Variants in COMP observed in about 807,000 individuals in gnomAD.
The protein encoded by COMP is cartilage oligomeric matrix protein (pseudoachondroplasia, epiphyseal dysplasia 1, multiple).
A neutral mutation model predicts 95.8 loss-of-function variants in COMP; 79 were observed. The ratio of observed to expected loss-of-function variants is 0.82; its 90% CI spans 0.69 to 0.99. The LOEUF (loss-of-function observed/expected upper bound fraction) is 0.99, where lower values mean the gene tolerates loss of function less well. Ranked by LOEUF, COMP falls within the 50% of genes least tolerant of loss-of-function variation. The pLI is 0.00. For missense variants in COMP, 906 were observed against 1,076.1 expected (o/e 0.84, Z 2.21); for synonymous variants, 438 against 433.9 (o/e 1.01, Z -0.12).
chr19:18,785,008 A>G lies in COMP; in HGVS notation c.1802T>C (p.Phe601Ser). The change falls in exon 16 of 19, where the codon TTT becomes TCT. Residue 601 changes from phenylalanine (F) to serine (S), a missense_variant. Coordinates refer to ENST00000222271, the MANE Select transcript of COMP (RefSeq NM_000095.3). ...VTDDDYAGFIFGYQDSSSFYV... is the reference protein window; with the variant it reads ...VTDDDYAGFISGYQDSSSFYV... The stretch of plus-strand genomic sequence containing the variant: ...GAAGCTGGAGCTGTCCTGGTAGCCA[A>G]AGATGAAGCCCGCATAGTCGTCATC... 2 of 1,614,134 alleles carry G rather than the reference A, an allele frequency of 1.2e-6. No individual in the cohort carries two copies. Among genetic ancestry groups the G allele is most frequent in the Non-Finnish European group, 1.7e-6 (2 of 1,180,016 alleles).
At chr19:18,783,032 G>A (rs756146893) in intron 18 of COMP, 22 bp downstream of exon 18, 15 of 1,611,930 alleles carry the variant, frequency 9.3e-6, no homozygotes, top group South Asian at 4.4e-5. Flanking sequence ...CCCCGCCCAC[G>A]GCCCGCTGGC....
Position 18,786,035 on chromosome 19 carries a change from G to T in COMP, c.1419C>A (p.Asp473Glu). The T allele has an allele frequency of 2.5e-6, 4 of 1,613,212 alleles. No homozygotes were observed. The highest frequency in any genetic ancestry group is 3.4e-6 in the Non-Finnish European group (4 of 1,179,814). Residue 473 changes from aspartate (D) to glutamate (E), a missense_variant, in exon 13 of 19, where the codon GAC (aspartate) becomes GAA (glutamate). Coordinates refer to ENST00000222271, the MANE Select transcript of COMP (RefSeq NM_000095.3). The stretch of plus-strand genomic sequence containing the variant: ...CCCGACTGTCAGGGACTCCGTCATT[G>T]TCGTCGTCGTCGTCGCAGGCATCAC... The part of the protein sequence containing the change: ...GQGDACDDDD[D>E]NDGVPDSRDN...
At position 18,787,638 on chromosome 19, in the gene COMP, G is replaced by C; in HGVS notation, c.988C>G (p.Leu330Val). Residue 330 changes from leucine to valine, a missense_variant, in exon 10 of 19, where the codon CTG becomes GTG. Physicochemically the swap from Leu to Val is conservative, Grantham distance 32. Transcript: ENST00000222271. ...TTGCGCTGGTCTGGGTTCCGCACCA[G>C]CGGGCAGTTGTCCTGGATGACAGGG... is the stretch of plus-strand genomic sequence containing the variant. ...GVPNEKDNCP[L>V]VRNPDQRNTD... 3 of 1,613,878 alleles carry C rather than the reference G, an allele frequency of 1.9e-6. No homozygotes were observed. The Admixed American group carries it at 5.0e-5, about 27-fold the overall frequency.
In COMP at chr19:18,790,949, G is replaced by A. The variant is rs1301358287; in HGVS notation, c.80-14C>T. On this transcript the variant is annotated splice_polypyrimidine_tract_variant and intron_variant, in intron 1 of 18. Transcript: ENST00000222271. ...CCAGGTCTGAGCCTGCGGCGGCAGG[G>A]GACCTGGTGAGGCGTCATGGGGCCG... The A allele has an allele frequency of 6.4e-7, 1 of 1,552,318 alleles. No individual in the cohort carries two copies. Among genetic ancestry groups the A allele is most frequent in the Non-Finnish European group, 8.7e-7 (1 of 1,149,234 alleles).
intron 17 of COMP, among the ~76,000 whole-genome samples, 163 bp from the exon 18 acceptor site, chr19:18,783,356 G>A (rs2055139702): frequency 6.6e-6 from 1 of 152,206 alleles, no homozygotes; most frequent in African/African-American, 2.4e-5. Flanking sequence ...TGGACATCAA[G>A]GGCCCTGGAC....
chr19:18,788,191 C>T lies in COMP; in HGVS notation c.975+21G>A. On this transcript the variant is annotated intron_variant, in intron 9 of 18. Coordinates refer to ENST00000222271, the MANE Select transcript of COMP (RefSeq NM_000095.3). This position sits in a 1 kb window ranked among gnomAD's most constrained non-coding sequence, Gnocchi z 4.7. ...TGCTGGGATTACAGGAGTGAACCAC[C>T]GTGCCGAGCCGTAGATCTACCTTTT... The T allele has an allele frequency of 1.2e-6, 2 of 1,600,628 alleles. No homozygotes were observed. Among genetic ancestry groups the T allele is most frequent in the Admixed American group, 1.7e-5 (1 of 59,922 alleles).
chr19:18,785,330 T>C (rs1280204496), intron 15 of COMP, among the ~76,000 whole-genome samples, 168 bp downstream of exon 15: 1 of 145,424 alleles, frequency 6.9e-6, no homozygotes. Context: ...CCCCGCGCCT[T>C]CTCCTCCCGG....
chr19:18,790,138 C>T (rs906179624), intron 3 of COMP, 24 bp from the exon 4 acceptor site: 4 of 1,509,178 alleles, frequency 2.7e-6, no homozygotes, highest in East Asian at 2.5e-5. Flanking sequence ...GGGGGAGAAG[C>T]GGCGGGGCTG....
intron 1 of COMP, 81 bp from the exon 2 acceptor site, chr19:18,791,016 A>C: frequency 6.5e-7 from 1 of 1,530,066 alleles, no homozygotes; most frequent in South Asian, 1.2e-5. Flanking sequence ...GCGAACCCGG[A>C]CCTCCGAGGC....
chr19:18,788,902 G>A lies in COMP; in HGVS notation c.540C>T (p.Asp180=). ...FAKANKQVCT[D]INECETGQHN... ...GTTGCCCGGTCTCACACTCGTTGATGTCCGTGCAAACCTAGGGGAGGGGAA... is the reference window on the plus strand; with the variant it reads ...GTTGCCCGGTCTCACACTCGTTGATATCCGTGCAAACCTAGGGGAGGGGAA... Residue 180 remains aspartate (D), a synonymous_variant, in exon 6 of 19, where the codon GAC becomes GAT. Transcript: ENST00000222271. The surrounding 1 kb of genome is among the most constrained non-coding windows in gnomAD (Gnocchi z 4.7). 1 of 1,613,724 alleles carries A rather than the reference G, an allele frequency of 6.2e-7. No individual in the cohort carries two copies.
At position 18,786,023 on chromosome 19, in the gene COMP, G is replaced by T. The variant is rs2055164441; in HGVS notation, c.1431C>A (p.Val477=). 1.2e-6 allele frequency: 2 copies of T among 1,613,658 alleles called. No homozygotes were observed. Residue 477 remains valine (V), a synonymous_variant, in exon 13 of 19, where the codon GTC becomes GTA. Coordinates refer to ENST00000222271, the MANE Select transcript of COMP (RefSeq NM_000095.3). ...GGCGGCAGTTGTCCCGACTGTCAGG[G>T]ACTCCGTCATTGTCGTCGTCGTCGT... The part of the protein sequence containing the change: ...ACDDDDDNDG[V]PDSRDNCRLV...
rs1401353439 is a variant in COMP at position 18,789,072 on chromosome 19, G to T, written c.528+88C>A. The T allele has an allele frequency of 1.9e-6, 3 of 1,554,876 alleles. No homozygotes were observed. Among genetic ancestry groups the T allele is most frequent in the Non-Finnish European group, 2.6e-6 (3 of 1,148,586 alleles). On this transcript the variant is annotated intron_variant, in intron 5 of 18. Transcript: ENST00000222271. This position sits in a 1 kb window ranked among gnomAD's most constrained non-coding sequence, Gnocchi z 6.1. ...CCTCCTCTCCCCACCCCTCCCGCTG[G>T]AAGGAGGCTGGAAGAGGAGTTTACT...
chr19:18,791,147 C>T, intron 1 of COMP, 44 bp downstream of exon 1: 2 of 1,553,232 alleles, frequency 1.3e-6, no homozygotes, highest in Non-Finnish European at 1.7e-6. Context: ...TCCTACAGTC[C>T]GTTGTGGGGC....
intron 3 of COMP, 107 bp downstream of exon 3, chr19:18,790,455 A>C (rs2055204676): frequency 7.1e-7 from 1 of 1,414,964 alleles, no homozygotes; most frequent in Non-Finnish European, 9.9e-7. Context: ...GTCAGCCTCC[A>C]TCTCCTTCCG....
intron 1 of COMP, 34 bp downstream of exon 1, chr19:18,791,157 C>T (rs749111767): frequency 6.4e-7 from 1 of 1,556,336 alleles, no homozygotes. Flanking sequence ...CGTTGTGGGG[C>T]CGTGGGCACG....
At chr19:18,785,238 GC>G (rs1035028008) in intron 15 of COMP, 146 bp from the exon 16 acceptor site, 20 of 932,500 alleles carry the variant, frequency 2.1e-5, no homozygotes, top group Admixed American at 1.0e-4. Flanking sequence ...ACTCAGCCAC[GC>G]CCCCCATCTA....
Position 18,788,276 on chromosome 19 carries a change from T to G in COMP, c.911A>C (p.Asp304Ala), listed in dbSNP as rs1451410633. ...TVPNSGQEDVDRDGIGDACDP... is the reference protein window; with the variant it reads ...TVPNSGQEDVARDGIGDACDP... ...GCAGGCGTCTCCGATGCCATCGCGG[T>G]CCACATCCTCCTGCCCTGAGTTGGG... Residue 304 changes from aspartate to alanine, a missense_variant, in exon 9 of 19, where the codon GAC (aspartate) becomes GCC (alanine). Coordinates refer to ENST00000222271, the MANE Select transcript of COMP (RefSeq NM_000095.3). The surrounding 1 kb of genome is among the most constrained non-coding windows in gnomAD (Gnocchi z 4.7). 6.2e-7 allele frequency: 1 copy of G among 1,613,010 alleles called. No individual in the cohort carries two copies. The highest frequency in any genetic ancestry group is 2.2e-5 in the East Asian group (1 of 44,884).
rs1052338767 is a variant in COMP at position 18,788,255 on chromosome 19, G to A, written c.932C>T (p.Ala311Val). The change falls in exon 9 of 19, where the codon GCC (alanine) becomes GTC (valine). Residue 311 changes from alanine (A) to valine (V), a missense_variant. Coordinates refer to ENST00000222271, the MANE Select transcript of COMP (RefSeq NM_000095.3). This position sits in a 1 kb window ranked among gnomAD's most constrained non-coding sequence, Gnocchi z 4.7. ...GTCCCCGTCGGCATCCGGATCGCAG[G>A]CGTCTCCGATGCCATCGCGGTCCAC... Reference protein sequence around the residue: ...EDVDRDGIGDACDPDADGDGV... With the variant: ...EDVDRDGIGDVCDPDADGDGV... The A allele has an allele frequency of 1.9e-6, 3 of 1,613,108 alleles. No homozygotes were observed. The highest frequency in any genetic ancestry group is 1.3e-5 in the African/African-American group (1 of 74,900).
At chr19:18,785,222 G>T in intron 15 of COMP, 130 bp from the exon 16 acceptor site, 1 of 994,230 alleles carries the variant, frequency 1.0e-6, no homozygotes, top group Non-Finnish European at 1.5e-6. Context: ...CACTCGCAGA[G>T]CCCGGACTCA....
Sources: allele counts gnomAD v4.1 joint callset (sites outside exome capture counted in the v4.1 genomes callset), GRCh38; gene constraint gnomAD v4.1.1; non-coding constraint Gnocchi (gnomAD v3.1); transcripts MANE v1.5; gene names NCBI Gene and HGNC (gene_info 2026-07-23, HGNC 2026-07-21).